SUCLG1: variants seen among roughly 807,000 people sequenced by gnomAD.
SUCLG1 encodes the protein succinate-CoA ligase GDP/ADP-forming subunit alpha.
Under a neutral mutation model 37.3 loss-of-function variants are expected in SUCLG1, and 26 were observed. The ratio of observed to expected loss-of-function variants is 0.70; its 90% CI spans 0.51 to 0.97. SUCLG1 has a LOEUF of 0.97. SUCLG1 is among the 50% of genes least tolerant of loss of function. The pLI is 0.00. For missense variants in SUCLG1, 433 were observed against 432.9 expected (o/e 1.00, Z 0.00); for synonymous variants, 163 against 155.6 (o/e 1.05, Z -0.36).
intron 7 of SUCLG1, among the ~76,000 whole-genome samples, chr2:84,428,122 G>T (rs1466739866): frequency 6.6e-6 from 1 of 152,014 alleles, no homozygotes; most frequent in East Asian, 1.9e-4. Flanking sequence ...CTGTGCCTTT[G>T]CTGAGAATGC....
At chr2:84,455,835 C>G (rs1354578328) in intron 1 of SUCLG1, among the ~76,000 whole-genome samples, 2 of 54,324 alleles carry the variant, frequency 3.7e-5, no homozygotes, top group Non-Finnish European at 7.5e-5. Flanking sequence ...GACTCCGTCT[C>G]AAAACAAAAA....
intron 5 of SUCLG1, among the ~76,000 whole-genome samples, chr2:84,438,033 A>G (rs1464636678): frequency 6.6e-6 from 1 of 152,200 alleles, no homozygotes; most frequent in African/African-American, 2.4e-5. Flanking sequence ...TGGAGAGTAG[A>G]TTACTGGTTG....
At chr2:84,424,723 G>A (rs1290324762) in intron 8 of SUCLG1, among the ~76,000 whole-genome samples, 1 of 152,054 alleles carries the variant, frequency 6.6e-6, no homozygotes, top group Non-Finnish European at 1.5e-5. Flanking sequence ...TAAAAATAAT[G>A]AGGGAGAGAG....
At chr2:84,433,077 A>T in intron 6 of SUCLG1, 1 of 503,076 alleles carries the variant, frequency 2.0e-6, no homozygotes, top group Non-Finnish European at 3.6e-6. Context: ...TCTTCAGAGC[A>T]ATCAAACCAA....
chr2:84,433,882 G>T (rs1672645895), intron 5 of SUCLG1: 1 of 197,648 alleles, frequency 5.1e-6, no homozygotes, highest in East Asian at 1.4e-4. Context: ...TGGAGGTGGG[G>T]CCCGGTGGGA....
chr2:84,450,524 G>T (rs913793072), intron 1 of SUCLG1, among the ~76,000 whole-genome samples: 1 of 151,936 alleles, frequency 6.6e-6, no homozygotes, highest in African/African-American at 2.4e-5. Flanking sequence ...CACAGTAGGA[G>T]GAACATAGAT....
chr2:84,456,025 G>A (rs1433064699), intron 1 of SUCLG1, among the ~76,000 whole-genome samples: 1 of 152,064 alleles, frequency 6.6e-6, no homozygotes, highest in Non-Finnish European at 1.5e-5. Context: ...AGGCTATTTT[G>A]TATTTCTGAA....
chr2:84,432,582 C>T (rs971006146), intron 6 of SUCLG1: 1 of 152,192 alleles, frequency 6.6e-6, no homozygotes, highest in African/African-American at 2.4e-5. Context: ...TAAAAAGTAT[C>T]TTCCACTTAT....
chr2:84,430,772 A>AGTT (rs556774819), intron 7 of SUCLG1, among the ~76,000 whole-genome samples: 220 of 152,196 alleles, frequency 1.4e-3, no homozygotes, highest in Non-Finnish European at 2.6e-3. Flanking sequence ...TCTGAAAATC[A>AGTT]GTTGCTTGAT....
intron 2 of SUCLG1, among the ~76,000 whole-genome samples, 167 bp from the exon 3 acceptor site, chr2:84,443,567 C>G (rs1353280898): frequency 6.6e-6 from 1 of 152,192 alleles, no homozygotes; most frequent in Non-Finnish European, 1.5e-5. Context: ...CAAAACAAGC[C>G]TCTGAAAAGC....
At chr2:84,452,747 G>A (rs1672959399) in intron 1 of SUCLG1, among the ~76,000 whole-genome samples, 1 of 152,154 alleles carries the variant, frequency 6.6e-6, no homozygotes, top group African/African-American at 2.4e-5. Flanking sequence ...CTCCATGAGT[G>A]TCAGGACCAT....
intron 7 of SUCLG1, among the ~76,000 whole-genome samples, chr2:84,429,090 G>C (rs1672577851): frequency 8.5e-5 from 13 of 152,198 alleles, no homozygotes; most frequent in Admixed American, 8.5e-4. Context: ...AGCAGATCAT[G>C]TTTATCGAGT....
intron 7 of SUCLG1, chr2:84,426,106 G>A (rs1165071419): frequency 6.1e-6 from 1 of 164,994 alleles, no homozygotes; most frequent in Non-Finnish European, 1.3e-5. Flanking sequence ...AAGGCTTCTT[G>A]AGAACCAGAC....
chr2:84,423,586 T>C lies in SUCLG1; in HGVS notation c.*160A>G. ...TGTAATACAATGTGGTGAAAACATCTTAATTCAGGACATCTTCCACCTTGT... is the reference window on the plus strand; with the variant it reads ...TGTAATACAATGTGGTGAAAACATCCTAATTCAGGACATCTTCCACCTTGT... On this transcript the variant is annotated 3_prime_UTR_variant, in exon 9 of 9. Transcript: ENST00000393868. The C allele has an allele frequency of 1.4e-6, 1 of 722,538 alleles. No homozygotes were observed. Among genetic ancestry groups the C allele is most frequent in the Non-Finnish European group, 2.5e-6 (1 of 402,232 alleles). 44.8% of individuals were successfully genotyped at this position (722,538 alleles called of 1,614,324 possible).
In SUCLG1 at chr2:84,443,403, G is replaced by A. The variant is rs769207281; in HGVS notation, c.202-3C>T. 6.8e-6 allele frequency: 11 copies of A among 1,613,744 alleles called. No homozygotes were observed. The highest frequency in any genetic ancestry group is 9.3e-6 in the Non-Finnish European group (11 of 1,179,794). Reference sequence around the variant, plus strand: ...GCCTGCTGGCTGTGAAAGGTGCCCTGAGGGGAAAAAGCACAAGATCCATGA... The same window carrying A: ...GCCTGCTGGCTGTGAAAGGTGCCCTAAGGGGAAAAAGCACAAGATCCATGA... On this transcript the variant is annotated splice_polypyrimidine_tract_variant and splice_region_variant and intron_variant, in intron 2 of 8. Coordinates refer to ENST00000393868, the MANE Select transcript of SUCLG1 (RefSeq NM_003849.4).
chr2:84,455,840 CA>C (rs5832612), intron 1 of SUCLG1, among the ~76,000 whole-genome samples: 7,203 of 79,990 alleles, frequency 0.09, 318 homozygotes, highest in African/African-American at 0.21. Context: ...CGTCTCAAAA[CA>C]AAAAAAAAAA....
intron 1 of SUCLG1, among the ~76,000 whole-genome samples, chr2:84,453,231 A>G (rs1469295133): frequency 6.6e-6 from 1 of 152,148 alleles, no homozygotes; most frequent in African/African-American, 2.4e-5. Flanking sequence ...AGACCAGGGG[A>G]GTGTTTTCCT....
chr2:84,431,055 C>A (rs1672605854), intron 7 of SUCLG1, among the ~76,000 whole-genome samples: 1 of 152,130 alleles, frequency 6.6e-6, no homozygotes, highest in Non-Finnish European at 1.5e-5. Context: ...AAGTGCCATT[C>A]CACAAGGAAA....
chr2:84,458,156 T>C (rs1465123643), intron 1 of SUCLG1, among the ~76,000 whole-genome samples: 1 of 151,966 alleles, frequency 6.6e-6, no homozygotes, highest in African/African-American at 2.4e-5. Flanking sequence ...TACATCATCA[T>C]TGCTAAAATG....
Sources: allele counts gnomAD v4.1 joint callset (sites outside exome capture counted in the v4.1 genomes callset), GRCh38; gene constraint gnomAD v4.1.1; transcripts MANE v1.5; gene names NCBI Gene and HGNC (gene_info 2026-07-23, HGNC 2026-07-21).